The following PLCB1 variants were observed in gnomAD, a reference collection of about 807,000 sequenced individuals.
PLCB1 encodes the protein 1-phosphatidylinositol 4,5-bisphosphate phosphodiesterase beta-1.
Under a neutral mutation model 161.8 loss-of-function variants are expected in PLCB1, and 46 were observed. The observed-to-expected ratio is 0.28, with a 90% CI of 0.22 to 0.36. The LOEUF (loss-of-function observed/expected upper bound fraction) is 0.36, where lower values mean the gene tolerates loss of function less well. Ranked by LOEUF, PLCB1 falls within the 10% of genes least tolerant of loss-of-function variation. The probability of loss-of-function intolerance (pLI) is 1.00; values close to 1 mark genes in which losing one functional copy is unlikely to be tolerated. For synonymous variants in PLCB1, 517 were observed against 503.7 expected (o/e 1.03, Z -0.35); for missense variants, 1,016 against 1,472.5 (o/e 0.69, Z 5.07).
At chr20:8,717,650 T>C (rs1294684482) in intron 13 of PLCB1, 21 bp from the exon 14 acceptor site, 1 of 1,585,990 alleles carries the variant, frequency 6.3e-7, no homozygotes, top group South Asian at 1.2e-5. Flanking sequence ...TTTTAAAGAA[T>C]ATGCCTTTCA....
At chr20:8,248,061 C>T (rs11906339) in intron 2 of PLCB1, among the ~76,000 whole-genome samples, 3,551 of 151,928 alleles carry the variant, frequency 0.023, 150 homozygotes, top group African/African-American at 0.081. Context: ...GGATTATGTG[C>T]AGGGGATTTA....
chr20:8,731,186 A>T (rs1410966153), intron 18 of PLCB1, among the ~76,000 whole-genome samples: 2 of 151,912 alleles, frequency 1.3e-5, no homozygotes, highest in Non-Finnish European at 2.9e-5. Context: ...ATGGCTTTTT[A>T]AAATCAATTA....
At chr20:8,821,965 A>G (rs1004166993) in intron 31 of PLCB1, among the ~76,000 whole-genome samples, 7 of 151,958 alleles carry the variant, frequency 4.6e-5, no homozygotes, top group Admixed American at 3.9e-4. Flanking sequence ...CTTTTTCTGC[A>G]GTTCTTGGTT....
intron 5 of PLCB1, 95 bp from the exon 6 acceptor site, chr20:8,647,805 A>G (rs1339362663): frequency 1.1e-6 from 1 of 933,704 alleles, no homozygotes; most frequent in East Asian, 2.4e-5. Context: ...AGCAAAATGT[A>G]CAAAGGCATG....
At chr20:8,253,139 C>CTATTGAAACG (rs1981241298) in intron 2 of PLCB1, among the ~76,000 whole-genome samples, 1 of 151,854 alleles carries the variant, frequency 6.6e-6, no homozygotes, top group Admixed American at 6.6e-5. Flanking sequence ...GCAGAGTGCT[C>CTATTGAAACG]TATTGAAACG....
chr20:8,278,183 G>A (rs972024596), intron 2 of PLCB1, among the ~76,000 whole-genome samples: 1 of 141,962 alleles, frequency 7.0e-6, no homozygotes, highest in Admixed American at 7.4e-5. Flanking sequence ...AAGTACATTG[G>A]TAAGGGAAAA....
chr20:8,529,464 G>C (rs1426015221), intron 3 of PLCB1, among the ~76,000 whole-genome samples: 1 of 151,900 alleles, frequency 6.6e-6, no homozygotes, highest in Non-Finnish European at 1.5e-5. Context: ...CTTTGGATAT[G>C]TTTTTAAAAA....
In PLCB1 at chr20:8,276,557, A is replaced by C. The variant is rs779000385; in HGVS notation, c.178-94825A>C. ...ATTTCCTCATGGATTTCTTCTTTTG[A>C]GTGTTCTTTTTTTACACTGTTAACT... On this transcript the variant is annotated intron_variant, in intron 2 of 31. Transcript: ENST00000338037. 2.7e-4 allele frequency among the ~76,000 whole-genome samples: 41 copies of C among 152,070 alleles called. 1 individual carries two copies. Among genetic ancestry groups the C allele is most frequent in the Non-Finnish European group, 5.9e-5 (4 of 68,004 alleles).
intron 9 of PLCB1, among the ~76,000 whole-genome samples, chr20:8,683,202 C>T (rs1265383627): frequency 9.2e-5 from 14 of 151,784 alleles, no homozygotes; most frequent in Non-Finnish European, 1.8e-4. Flanking sequence ...ATTACAGCTT[C>T]ATAAAAGAAT....
At chr20:8,262,848 A>C (rs1343361421) in intron 2 of PLCB1, among the ~76,000 whole-genome samples, 2 of 151,420 alleles carry the variant, frequency 1.3e-5, no homozygotes, top group South Asian at 4.3e-4. Flanking sequence ...TTGTTTGTGT[A>C]TGAGGGAGAA....
chr20:8,716,482 A>G, intron 13 of PLCB1, 134 bp downstream of exon 13: 1 of 712,388 alleles, frequency 1.4e-6, no homozygotes, highest in Non-Finnish European at 2.5e-6. Context: ...ATCTTTGACA[A>G]GGAGGATACC....
rs1472407802 is a variant in PLCB1 at position 8,788,491 on chromosome 20, A to G, written c.3154A>G (p.Asn1052Asp). The G allele has an allele frequency of 1.2e-6, 2 of 1,613,822 alleles. No homozygotes were observed. The highest frequency in any genetic ancestry group is 2.2e-5 in the East Asian group (1 of 44,830). ...LTDVAEECQNNQLKKLKEICE... is the reference protein window; with the variant it reads ...LTDVAEECQNDQLKKLKEICE... ...GGATGTCGCAGAAGAGTGTCAGAAC[A>G]ATCAGTTAAAGAAGCTCAAAGAAAT... Residue 1052 changes from asparagine to aspartate, a missense_variant, in exon 28 of 32, where the codon AAT (asparagine) becomes GAT (aspartate). Transcript: ENST00000338037.
intron 3 of PLCB1, among the ~76,000 whole-genome samples, chr20:8,416,045 ACT>A (rs1979254591): frequency 6.6e-6 from 1 of 152,072 alleles, no homozygotes; most frequent in African/African-American, 2.4e-5. Flanking sequence ...TTGCTCTTTC[ACT>A]CTGTCTCTCC....
At chr20:8,147,995 C>G (rs1221595413) in intron 1 of PLCB1, among the ~76,000 whole-genome samples, 1 of 151,218 alleles carries the variant, frequency 6.6e-6, no homozygotes, top group Non-Finnish European at 1.5e-5. Flanking sequence ...GCCTCAGCCT[C>G]CTTTAGAAGT....
chr20:8,272,787 T>G (rs892263806), intron 2 of PLCB1, among the ~76,000 whole-genome samples: 1 of 152,054 alleles, frequency 6.6e-6, no homozygotes, highest in African/African-American at 2.4e-5. Context: ...ATTGAAGAAA[T>G]AAAAAATATT....
rs367713731 is a variant in PLCB1, at chr20:8,436,234, A to G, written c.246+64784A>G. Among the ~76,000 whole-genome samples, 19 of 152,056 alleles carry G rather than the reference A, an allele frequency of 1.2e-4. 1 individual carries two copies. In the South Asian group the frequency reaches 1.9e-3, roughly 15 times the overall value. ...GCCCTGCTACTTGAGAGGCTGAGGC[A>G]CAAGAATCAAGAATCACTTTAACCT... On this transcript the variant is annotated intron_variant, in intron 3 of 31. Coordinates refer to ENST00000338037, the MANE Select transcript of PLCB1 (RefSeq NM_015192.4).
chr20:8,825,510 G>A (rs937972254), intron 31 of PLCB1, among the ~76,000 whole-genome samples: 4 of 152,290 alleles, frequency 2.6e-5, no homozygotes, highest in Middle Eastern at 3.4e-3. Flanking sequence ...TGATAGGAGG[G>A]ACCATGGTGT....
chr20:8,256,003 G>A (rs1981390259), intron 2 of PLCB1, among the ~76,000 whole-genome samples: 1 of 152,024 alleles, frequency 6.6e-6, no homozygotes, highest in South Asian at 2.1e-4. Flanking sequence ...ATGCTGTATA[G>A]TTTGTAGCCA....
intron 2 of PLCB1, among the ~76,000 whole-genome samples, chr20:8,263,246 T>G (rs1182003093): frequency 1.3e-5 from 2 of 152,158 alleles, no homozygotes; most frequent in Non-Finnish European, 2.9e-5. Context: ...TTAGCCTGGG[T>G]TAAACTCTGG....
Sources: allele counts gnomAD v4.1 joint callset (sites outside exome capture counted in the v4.1 genomes callset), GRCh38; gene constraint gnomAD v4.1.1; transcripts MANE v1.5; gene names NCBI Gene and HGNC (gene_info 2026-07-23, HGNC 2026-07-21).